The following PLEKHA1 variants were observed in gnomAD, a reference collection of about 807,000 sequenced individuals.
The protein encoded by PLEKHA1 is pleckstrin homology domain containing A1, also known as pleckstrin homology domain-containing family A member 1.
A neutral mutation model predicts 52.0 loss-of-function variants in PLEKHA1; 34 were observed. That is an observed-to-expected ratio of 0.65 (90% confidence interval 0.50 to 0.87). The LOEUF is 0.87. PLEKHA1 is among the 40% of genes least tolerant of loss of function. PLEKHA1 has a pLI of 0.00. For missense variants in PLEKHA1, 497 were observed against 504.2 expected, an observed-to-expected ratio of 0.99 and a Z score of 0.14; for synonymous variants, 163 against 170.7, an observed-to-expected ratio of 0.95 and a Z score of 0.35.
At chr10:122,383,170 A>G (rs775212033) in intron 1 of PLEKHA1, among the ~76,000 whole-genome samples, 1 of 152,172 alleles carries the variant, frequency 6.6e-6, no homozygotes, top group Non-Finnish European at 1.5e-5. Flanking sequence ...AACCAATCCC[A>G]TGAACACCAT....
intron 1 of PLEKHA1, among the ~76,000 whole-genome samples, chr10:122,381,603 G>A (rs145371091): frequency 6.6e-6 from 1 of 152,248 alleles, no homozygotes; most frequent in Non-Finnish European, 1.5e-5. Context: ...CCCCAGTCAT[G>A]CCTCCTGTAC....
the PLEKHA1 span, chr10:122,439,716 G>A: frequency 6.6e-6 from 1 of 152,044 alleles, no homozygotes; most frequent in African/African-American, 2.4e-5. Flanking sequence ...ACTCCAGCCT[G>A]GGTGACAAGA....
chr10:122,398,968 A>T (rs1457125197), intron 3 of PLEKHA1, among the ~76,000 whole-genome samples: 1 of 152,198 alleles, frequency 6.6e-6, no homozygotes, highest in Non-Finnish European at 1.5e-5. Context: ...CAAATATTGT[A>T]TGGAAGCTCT....
chr10:122,401,949 G>T (rs1291153650), intron 4 of PLEKHA1, among the ~76,000 whole-genome samples: 2 of 152,052 alleles, frequency 1.3e-5, no homozygotes. Flanking sequence ...GGCTGTCAAG[G>T]GAATCCTCTA....
intron 1 of PLEKHA1, chr10:122,387,592 A>G (rs1324821352): frequency 6.6e-6 from 1 of 151,936 alleles, no homozygotes; most frequent in East Asian, 1.9e-4. Context: ...ATTATTTTTC[A>G]CTGTTCTCTG....
chr10:122,398,002 G>A (rs551366372), intron 3 of PLEKHA1, 28 bp downstream of exon 3: 37 of 1,561,110 alleles, frequency 2.4e-5, no homozygotes, highest in East Asian at 1.1e-4. Context: ...TCTTATACTC[G>A]TGTGAATTAA....
intron 11 of PLEKHA1, among the ~76,000 whole-genome samples, chr10:122,429,222 C>CTT (rs2097386225): frequency 6.6e-6 from 1 of 152,008 alleles, no homozygotes; most frequent in South Asian, 2.1e-4. Flanking sequence ...GGGATAATTC[C>CTT]TAGTGTTGAC....
At chr10:122,411,791 A>G (rs2097110050) in intron 5 of PLEKHA1, 1 of 149,510 alleles carries the variant, frequency 6.7e-6, no homozygotes, top group Non-Finnish European at 1.5e-5. Context: ...TAGTTCTACC[A>G]GTACTCTATT....
At chr10:122,429,593 G>T in intron 11 of PLEKHA1, 31 bp from the exon 12 acceptor site, 1 of 1,601,972 alleles carries the variant, frequency 6.2e-7, no homozygotes, top group South Asian at 1.1e-5. Context: ...ATGAGTGACT[G>T]ACCGTGTCTG....
intron 6 of PLEKHA1, 91 bp from the exon 7 acceptor site, chr10:122,415,768 G>T: frequency 8.1e-7 from 1 of 1,228,928 alleles, no homozygotes; most frequent in Non-Finnish European, 1.1e-6. Flanking sequence ...ACTAATCTAA[G>T]GTGGATTTTA....
At chr10:122,379,344 T>A (rs2096582993) in intron 1 of PLEKHA1, among the ~76,000 whole-genome samples, 1 of 152,252 alleles carries the variant, frequency 6.6e-6, no homozygotes, top group South Asian at 2.1e-4. Context: ...TGTCGAATAG[T>A]GGCATACAGA....
downstream of PLEKHA1, chr10:122,433,760 G>T (rs1313038895): frequency 6.6e-6 from 1 of 152,158 alleles, no homozygotes; most frequent in Non-Finnish European, 1.5e-5. Flanking sequence ...TCACCTGTTA[G>T]GTTTTCTGTA....
At chr10:122,394,503 T>C (rs2134053375) in intron 2 of PLEKHA1, among the ~76,000 whole-genome samples, 1 of 152,250 alleles carries the variant, frequency 6.6e-6, no homozygotes, top group Middle Eastern at 3.4e-3. Flanking sequence ...TTTTGTCCAG[T>C]AGGCTTCTCG....
chr10:122,418,304 G>A, intron 8 of PLEKHA1: 1 of 207,582 alleles, frequency 4.8e-6, no homozygotes, highest in Non-Finnish European at 9.7e-6. Flanking sequence ...ATGGGGAAGG[G>A]GTGGTGGCAG....
chr10:122,376,791 G>A (rs966495749), intron 1 of PLEKHA1, among the ~76,000 whole-genome samples: 2 of 152,154 alleles, frequency 1.3e-5, no homozygotes, highest in Non-Finnish European at 2.9e-5. Context: ...TAAGCCGGAA[G>A]GACCTTTTTA....
chr10:122,399,971 T>C (rs913857146), intron 3 of PLEKHA1, among the ~76,000 whole-genome samples: 2 of 152,212 alleles, frequency 1.3e-5, no homozygotes, highest in Non-Finnish European at 2.9e-5. Context: ...AAATATGTTA[T>C]TTGGGAAGAA....
At chr10:122,385,937 C>G (rs1374198915) in intron 1 of PLEKHA1, among the ~76,000 whole-genome samples, 1 of 152,148 alleles carries the variant, frequency 6.6e-6, no homozygotes, top group Non-Finnish European at 1.5e-5. Flanking sequence ...ACTAATACTG[C>G]TATAAACATT....
chr10:122,380,522 A>G (rs2096599710), intron 1 of PLEKHA1, among the ~76,000 whole-genome samples: 1 of 152,238 alleles, frequency 6.6e-6, no homozygotes, highest in African/African-American at 2.4e-5. Flanking sequence ...TTGAGTTACA[A>G]GTCCCCGAGT....
intron 5 of PLEKHA1, among the ~76,000 whole-genome samples, chr10:122,407,521 T>G (rs765378366): frequency 1.3e-5 from 2 of 152,206 alleles, no homozygotes; most frequent in Non-Finnish European, 2.9e-5. Context: ...GTGCAGTGCC[T>G]TACTGCTTCC....
Sources: allele counts gnomAD v4.1 joint callset (sites outside exome capture counted in the v4.1 genomes callset), GRCh38; gene constraint gnomAD v4.1.1; transcripts MANE v1.5; gene names NCBI Gene and HGNC (gene_info 2026-07-23, HGNC 2026-07-21).